SDC1: variants seen among roughly 807,000 people sequenced by gnomAD.
SDC1 encodes syndecan-1.
Under a neutral mutation model 29.7 loss-of-function variants are expected in SDC1, and 14 were observed. That is an observed-to-expected ratio of 0.47 (90% CI 0.31 to 0.74). The LOEUF is 0.74. SDC1 is among the 30% of genes least tolerant of loss of function. The pLI, the probability that SDC1 is intolerant of heterozygous loss-of-function variation, is 0.05. For missense variants in SDC1, 406 were observed against 400.3 expected, an observed-to-expected ratio of 1.01 and a Z score of -0.12; for synonymous variants, 204 against 175.5, an observed-to-expected ratio of 1.16 and a Z score of -1.29.
chr2:20,220,200 G>A (rs1345268040), intron 1 of SDC1, among the ~76,000 whole-genome samples: 1 of 152,208 alleles, frequency 6.6e-6, no homozygotes, highest in Non-Finnish European at 1.5e-5. Context: ...AGCTCAGCCT[G>A]GCCCAGCCCC....
intron 1 of SDC1, chr2:20,208,259 C>T (rs1677345821): frequency 4.3e-6 from 1 of 234,392 alleles, no homozygotes; most frequent in Non-Finnish European, 7.0e-6. Context: ...CAGGGCTTTC[C>T]TCCTGACTAG....
At position 20,224,789 on chromosome 2, in the gene SDC1, C is replaced by G. The variant is rs1312353563; in HGVS notation, c.66+13G>C. 3.1e-6 allele frequency: 4 copies of G among 1,306,138 alleles called. No individual in the cohort carries two copies. The highest frequency in any genetic ancestry group is 3.9e-6 in the Non-Finnish European group (4 of 1,026,914). The allele number at this position is 1,306,138 out of a possible 1,614,324, so 80.9% of individuals were successfully genotyped here. Reference sequence around the variant, plus strand: ...TCCCGCCGCCTCCCCGCCTGGCCGCCGGCCGCACTCACCGGCAGGGCCGGC... The same window carrying G: ...TCCCGCCGCCTCCCCGCCTGGCCGCGGGCCGCACTCACCGGCAGGGCCGGC... On this transcript the variant is annotated intron_variant, in intron 1 of 4. Coordinates refer to ENST00000254351, the MANE Select transcript of SDC1 (RefSeq NM_002997.5). The surrounding 1 kb of genome is among the most constrained non-coding windows in gnomAD (Gnocchi z 4.9).
chr2:20,202,453 C>T lies in SDC1; in HGVS notation c.*313G>A. ...AAAGCAGTCGGATCCCCCTCCCCTC[C>T]AGAGCTGGACCTGGGGAGAGGCTGC... is the stretch of plus-strand genomic sequence containing the variant. On this transcript the variant is annotated 3_prime_UTR_variant, in exon 5 of 5. Transcript: ENST00000254351. 1 of 598,984 alleles carries T rather than the reference C, an allele frequency of 1.7e-6. No homozygotes were observed. The allele number at this position is 598,984 out of a possible 1,614,324, so 37.1% of individuals were successfully genotyped here.
chr2:20,207,162 C>G (rs574574548), intron 1 of SDC1, among the ~76,000 whole-genome samples: 95 of 152,352 alleles, frequency 6.2e-4, no homozygotes, highest in African/African-American at 2.0e-3. Flanking sequence ...AGCCCTGGGG[C>G]AGAGCCAGAC....
chr2:20,217,089 G>A (rs998602982), intron 1 of SDC1, among the ~76,000 whole-genome samples: 4 of 152,180 alleles, frequency 2.6e-5, no homozygotes, highest in Non-Finnish European at 5.9e-5. Context: ...TGGCCAGAAG[G>A]CAGCCCCACA....
At chr2:20,204,512 G>T (rs759177696) in intron 2 of SDC1, among the ~76,000 whole-genome samples, 2 of 152,040 alleles carry the variant, frequency 1.3e-5, no homozygotes, top group Non-Finnish European at 2.9e-5. Context: ...GTGCAGCCTG[G>T]TCTCTGGAGC....
upstream of SDC1, chr2:20,225,132 G>GC (rs1192694365): frequency 2.1e-5 from 6 of 279,400 alleles, no homozygotes; most frequent in African/African-American, 4.5e-5. Flanking sequence ...GCAAAAACTG[G>GC]CCCCCCACCC....
rs543094639 is a variant in SDC1, at chr2:20,205,269, A to G, written c.148+74T>C. 153 of 1,132,436 alleles carry G rather than the reference A, an allele frequency of 1.4e-4. 2 individuals carry two copies. The African/African-American group carries it at 2.1e-3, about 16-fold the overall frequency. The allele number at this position is 1,132,436 out of a possible 1,614,324, so 70.1% of individuals were successfully genotyped here. On this transcript the variant is annotated intron_variant, in intron 2 of 4. Coordinates refer to ENST00000254351, the MANE Select transcript of SDC1 (RefSeq NM_002997.5). ...TCAGTACATGCTCAGTAAACACAGG[A>G]GACTGCCTGACCACTGCCCACAGGC...
intron 1 of SDC1, among the ~76,000 whole-genome samples, chr2:20,219,097 C>A (rs1276478477): frequency 6.6e-6 from 1 of 152,144 alleles, no homozygotes; most frequent in Non-Finnish European, 1.5e-5. Context: ...CCAGCCGCCG[C>A]CTGTTCTGCT....
At position 20,204,257 on chromosome 2, in the gene SDC1, G is replaced by A; in HGVS notation, c.183C>T (p.Thr61=). The A allele has an allele frequency of 6.3e-7, 1 of 1,596,602 alleles. No individual in the cohort carries two copies. Among genetic ancestry groups the A allele is most frequent in the African/African-American group, 1.3e-5 (1 of 74,912 alleles). ...ALQDITLSQQ[T]PSTWKDTQLL... ...GCTGCGTGTCCTTCCAAGTGGAGGG[G>A]GTCTGCTGTGACAAGGTGATATCTT... Residue 61 remains threonine, a synonymous_variant, in exon 3 of 5, where the codon ACC becomes ACT. Coordinates refer to ENST00000254351, the MANE Select transcript of SDC1 (RefSeq NM_002997.5).
Position 20,204,150 on chromosome 2 carries a change from T to G in SDC1, c.290A>C (p.Glu97Ala), listed in dbSNP as rs766709552. 1.2e-6 allele frequency: 2 copies of G among 1,601,964 alleles called. No homozygotes were observed. The highest frequency in any genetic ancestry group is 1.7e-6 in the Non-Finnish European group (2 of 1,179,796). ...AASTSTLPAG[E>A]GPKEGEAVVL... is the part of the protein sequence containing the mutation. Reference sequence around the variant, plus strand: ...TACAGCCTCTCCCTCCTTGGGCCCCTCTCCAGCCGGCAGGGTGGAGGTGGA... The same window carrying G: ...TACAGCCTCTCCCTCCTTGGGCCCCGCTCCAGCCGGCAGGGTGGAGGTGGA... The change falls in exon 3 of 5, where the codon GAG (glutamate) becomes GCG (alanine). Residue 97 changes from glutamate (E) to alanine (A), a missense_variant. Transcript: ENST00000254351.
chr2:20,202,444 C>T lies in SDC1; in HGVS notation c.*322G>A. 1 of 605,032 alleles carries T rather than the reference C, an allele frequency of 1.7e-6. No homozygotes were observed. The highest frequency in any genetic ancestry group is 3.0e-6 in the Non-Finnish European group (1 of 337,890). 37.5% of individuals were successfully genotyped at this position (605,032 alleles called of 1,614,324 possible). Reference sequence around the variant, plus strand: ...TTTAGGTCCAAAGCAGTCGGATCCCCCTCCCCTCCAGAGCTGGACCTGGGG... The same window carrying T: ...TTTAGGTCCAAAGCAGTCGGATCCCTCTCCCCTCCAGAGCTGGACCTGGGG... On this transcript the variant is annotated 3_prime_UTR_variant, in exon 5 of 5. Transcript: ENST00000254351.
Position 20,203,159 on chromosome 2 carries a change from T to C in SDC1, c.691A>G (p.Asn231Asp). The change falls in exon 4 of 5, where the codon AAC becomes GAC. Residue 231 changes from asparagine (N) to aspartate (D), a missense_variant. Transcript: ENST00000254351. ...GCCCCCTGATCCACTGGGGACTGGT[T>C]CCGGCGGTCAGGCTCCACGGCCACT... ...AVVAVEPDRR[N>D]QSPVDQGATG... 6.2e-7 allele frequency: 1 copy of C among 1,613,174 alleles called. No homozygotes were observed.
chr2:20,225,035 T>G lies in SDC1; in HGVS notation c.-168A>C. On this transcript the variant is annotated 5_prime_UTR_variant, in exon 1 of 5. Coordinates refer to ENST00000254351, the MANE Select transcript of SDC1 (RefSeq NM_002997.5). ...CTGGAGTCCGCTCTCTACTGCCGGA[T>G]TCCTCTCCGCTCGGCTCGGATTCGG... The G allele has an allele frequency of 1.2e-6, 1 of 810,412 alleles. No individual in the cohort carries two copies. The highest frequency in any genetic ancestry group is 1.6e-6 in the Non-Finnish European group (1 of 622,132). The allele number at this position is 810,412 out of a possible 1,614,324, so 50.2% of individuals were successfully genotyped here. A position where few individuals can be genotyped will look rare whatever the true frequency, so the allele number is the denominator to read the frequency against.
chr2:20,209,938 A>G (rs1459666863), intron 1 of SDC1, among the ~76,000 whole-genome samples: 1 of 152,252 alleles, frequency 6.6e-6, no homozygotes, highest in Non-Finnish European at 1.5e-5. Flanking sequence ...CCCCGCCATC[A>G]GCCTGAGGCC....
chr2:20,211,459 C>T (rs920594209), intron 1 of SDC1, among the ~76,000 whole-genome samples: 11 of 152,226 alleles, frequency 7.2e-5, no homozygotes, highest in South Asian at 2.1e-4. Context: ...CACGTCCACT[C>T]GCATAGATAG....
intron 1 of SDC1, among the ~76,000 whole-genome samples, chr2:20,210,906 G>A (rs565096984): frequency 3.4e-4 from 52 of 152,158 alleles, no homozygotes; most frequent in African/African-American, 1.2e-3. Context: ...GTCCTCAGGA[G>A]GCTTGAAACA....
chr2:20,204,126 A>G lies in SDC1; in HGVS notation c.314T>C (p.Val105Ala), dbSNP rs1386190289. The G allele has an allele frequency of 6.2e-7, 1 of 1,605,298 alleles. No individual in the cohort carries two copies. The highest frequency in any genetic ancestry group is 8.5e-7 in the Non-Finnish European group (1 of 1,179,860). The change falls in exon 3 of 5, where the codon GTA becomes GCA. Residue 105 changes from valine to alanine, a missense_variant. By Grantham distance (64) the Val-to-Ala change is moderately conservative. Transcript: ENST00000254351. Reference sequence around the variant, plus strand: ...GCCAGGCTCCACTTCTGGCAGGACTACAGCCTCTCCCTCCTTGGGCCCCTC... The same window carrying G: ...GCCAGGCTCCACTTCTGGCAGGACTGCAGCCTCTCCCTCCTTGGGCCCCTC... ...AGEGPKEGEAVVLPEVEPGLT... is the reference protein window; with the variant it reads ...AGEGPKEGEAAVLPEVEPGLT...
intron 2 of SDC1, among the ~76,000 whole-genome samples, 199 bp downstream of exon 2, chr2:20,205,144 G>A (rs1677215912): frequency 6.6e-6 from 1 of 152,330 alleles, no homozygotes; most frequent in South Asian, 2.1e-4. Context: ...TCACCTCCGA[G>A]CATGAGCTCT....
Sources: gnomAD v4.1 joint callset for allele counts (sites outside exome capture counted in the v4.1 genomes callset) on GRCh38, gnomAD v4.1.1 for gene constraint, Gnocchi (gnomAD v3.1) non-coding constraint, MANE v1.5 for transcripts, NCBI Gene and HGNC (gene_info 2026-07-23, HGNC 2026-07-21) for gene names.